The following C6orf89 variants were observed in gnomAD, a reference collection of about 807,000 sequenced individuals.
C6orf89 encodes chromosome 6 open reading frame 89, also known as bombesin receptor-activated protein C6orf89.
A neutral mutation model predicts 40.7 loss-of-function variants in C6orf89; 29 were observed. That is an observed-to-expected ratio of 0.71 (90% confidence interval 0.53 to 0.97). The LOEUF (loss-of-function observed/expected upper bound fraction) is 0.97, where lower values mean the gene tolerates loss of function less well. C6orf89 is among the 50% of genes least tolerant of loss of function. The pLI is 0.00. For synonymous variants in C6orf89, 165 were observed against 152.2 expected (o/e 1.08, Z -0.62); for missense variants, 392 against 429.1 (o/e 0.91, Z 0.76).
In C6orf89 at chr6:36,923,467, C is replaced by T. The variant is rs751675257; in HGVS notation, c.*26C>T. ...GAAATAGAACTGTGCACAGGAACAG[C>T]TTCCAGAGCCGAAAACCAGGTTGAA... On this transcript the variant is annotated 3_prime_UTR_variant, in exon 9 of 9. Transcript: ENST00000480824. 5.1e-6 allele frequency: 8 copies of T among 1,560,178 alleles called. No individual in the cohort carries two copies. The highest frequency in any genetic ancestry group is 7.1e-6 in the Non-Finnish European group (8 of 1,130,786).
At chr6:36,891,621 T>C (rs572468854) in intron 1 of C6orf89, among the ~76,000 whole-genome samples, 2 of 152,348 alleles carry the variant, frequency 1.3e-5, no homozygotes, top group South Asian at 4.1e-4. Flanking sequence ...AGAACATATA[T>C]TTAATTAATG....
intron 3 of C6orf89, among the ~76,000 whole-genome samples, chr6:36,899,909 C>T (rs897994225): frequency 8.5e-5 from 13 of 152,172 alleles, no homozygotes; most frequent in African/African-American, 1.4e-4. Flanking sequence ...TGTTTTGAGA[C>T]GGAGTCTCAC....
chr6:36,900,322 C>T (rs1315534963), intron 3 of C6orf89, among the ~76,000 whole-genome samples: 1 of 151,506 alleles, frequency 6.6e-6, no homozygotes, highest in Non-Finnish European at 1.5e-5. Flanking sequence ...CTGCCTCAGC[C>T]TCCCAAGTAG....
intron 4 of C6orf89, among the ~76,000 whole-genome samples, chr6:36,908,603 A>G (rs935173877): frequency 1.3e-5 from 2 of 152,216 alleles, no homozygotes; most frequent in African/African-American, 4.8e-5. Flanking sequence ...AAATAGAAAT[A>G]CTTTTTTGTT....
chr6:36,887,453 A>G (rs1207691944), intron 1 of C6orf89, among the ~76,000 whole-genome samples: 2 of 152,152 alleles, frequency 1.3e-5, no homozygotes, highest in South Asian at 2.1e-4. Flanking sequence ...AAGAAACACT[A>G]TTTAGGGTGG....
At chr6:36,886,777 T>C (rs1056404313) in intron 1 of C6orf89, among the ~76,000 whole-genome samples, 13 of 152,244 alleles carry the variant, frequency 8.5e-5, no homozygotes, top group African/African-American at 2.9e-4. Flanking sequence ...TGTGGTGGGA[T>C]CTTCTATAGA....
In C6orf89 at chr6:36,923,371, A is replaced by T; in HGVS notation, c.974A>T (p.Lys325Met). ...DIGYVDTTHWKVYVIARGVQP... is the reference protein window; with the variant it reads ...DIGYVDTTHWMVYVIARGVQP... Reference sequence around the variant, plus strand: ...GGCTATGTCGACACCACCCACTGGAAGGTCTACGTTATAGCCAGAGGGGTC... The same window carrying T: ...GGCTATGTCGACACCACCCACTGGATGGTCTACGTTATAGCCAGAGGGGTC... The change falls in exon 9 of 9, where the codon AAG becomes ATG. Residue 325 changes from lysine (K) to methionine (M), a missense_variant. Transcript: ENST00000480824. The T allele has an allele frequency of 6.2e-7, 1 of 1,614,060 alleles. No individual in the cohort carries two copies.
chr6:36,880,898 G>A (rs1774788965), upstream of C6orf89, among the ~76,000 whole-genome samples: 1 of 152,226 alleles, frequency 6.6e-6, no homozygotes, highest in Non-Finnish European at 1.5e-5. Context: ...CACATAGTCT[G>A]TGTAAGTTGT....
intron 7 of C6orf89, among the ~76,000 whole-genome samples, chr6:36,918,547 A>T (rs538297084): frequency 7.9e-5 from 12 of 152,206 alleles, no homozygotes; most frequent in Admixed American, 1.3e-4. Context: ...ACAGGGGAAG[A>T]TGGGGCCAAA....
At chr6:36,903,191 G>A (rs1366393917) in intron 4 of C6orf89, among the ~76,000 whole-genome samples, 1 of 152,078 alleles carries the variant, frequency 6.6e-6, no homozygotes, top group East Asian at 1.9e-4. Flanking sequence ...TTCAAGACCA[G>A]CCTGGGCAAC....
At chr6:36,891,798 T>C (rs1383831185) in intron 1 of C6orf89, among the ~76,000 whole-genome samples, 1 of 152,236 alleles carries the variant, frequency 6.6e-6, no homozygotes, top group East Asian at 1.9e-4. Context: ...TGATGGACTT[T>C]TGAAACTTTC....
At chr6:36,882,677 A>T (rs1292740166), upstream of C6orf89, among the ~76,000 whole-genome samples, 1 of 151,588 alleles carries the variant, frequency 6.6e-6, no homozygotes, top group African/African-American at 2.4e-5. Flanking sequence ...GGGCCATTTA[A>T]ACATTTATAA....
chr6:36,899,120 G>A (rs532887577), intron 2 of C6orf89, among the ~76,000 whole-genome samples: 1 of 152,108 alleles, frequency 6.6e-6, no homozygotes, highest in Non-Finnish European at 1.5e-5. Context: ...GATGTCATTA[G>A]TGCTTCAGAG....
intron 4 of C6orf89, among the ~76,000 whole-genome samples, chr6:36,911,574 A>C (rs1175250434): frequency 2.0e-5 from 3 of 152,168 alleles, no homozygotes; most frequent in Non-Finnish European, 4.4e-5. Flanking sequence ...GCTCGGTGCT[A>C]GCCCATGCAG....
At chr6:36,879,016 A>T (rs769570304) in exon 2 of C6orf89, 5 of 152,426 alleles carry the variant, frequency 3.3e-5, no homozygotes, top group African/African-American at 4.8e-5. Context: ...AGATGGTGTC[A>T]GGAATGGGAT....
intron 7 of C6orf89, among the ~76,000 whole-genome samples, 189 bp from the exon 8 acceptor site, chr6:36,919,389 C>T (rs7752720): frequency 0.024 from 3,613 of 152,238 alleles, 117 homozygotes; most frequent in African/African-American, 0.081. Flanking sequence ...AGATGCCATT[C>T]TTAGGAGAAA....
chr6:36,881,062 T>C (rs139464908), upstream of C6orf89, among the ~76,000 whole-genome samples: 647 of 152,356 alleles, frequency 4.2e-3, 3 homozygotes, highest in Middle Eastern at 0.048. Context: ...TGTAGTTAGA[T>C]GCTGGAAAGA....
chr6:36,927,387 T>G lies in C6orf89; in HGVS notation c.*3946T>G, dbSNP rs904302680. The G allele has an allele frequency of 6.6e-6, 1 of 152,226 alleles. No individual in the cohort carries two copies. The highest frequency in any genetic ancestry group is 1.5e-5 in the Non-Finnish European group (1 of 68,040). 9.4% of individuals were successfully genotyped at this position (152,226 alleles called of 1,614,324 possible). ...AATGTTCAAACCCCAAAGCAAATGT[T>G]TGCATCTCCTTGTCCATAAAGGAGA... is the stretch of plus-strand genomic sequence containing the variant. On this transcript the variant is annotated 3_prime_UTR_variant, in exon 9 of 9. Transcript: ENST00000480824.
chr6:36,901,321 A>ATTTTTTTTTTTTTTTTTTTTTTTTTTTTT (rs60381134), intron 3 of C6orf89, among the ~76,000 whole-genome samples: 2 of 19,026 alleles, frequency 1.1e-4, no homozygotes, highest in African/African-American at 1.7e-4. Context: ...TATTATTATT[A>ATTTTTTTTTTTTTTTTTTTTTTTTTTTTT]TTTTTTTTTT....
Sources: gnomAD v4.1 joint callset for allele counts (sites outside exome capture counted in the v4.1 genomes callset) on GRCh38, gnomAD v4.1.1 for gene constraint, MANE v1.5 for transcripts, NCBI Gene and HGNC (gene_info 2026-07-23, HGNC 2026-07-21) for gene names.